The following ARFIP1 variants were observed in gnomAD, a reference collection of about 807,000 sequenced individuals.
The protein encoded by ARFIP1 is ARF interacting protein 1.
Under a neutral mutation model 42.5 loss-of-function variants are expected in ARFIP1, and 24 were observed. That is an observed-to-expected ratio of 0.57 (90% CI 0.41 to 0.80). The LOEUF is 0.80. Ranked by LOEUF, ARFIP1 falls within the 30% of genes least tolerant of loss-of-function variation. ARFIP1 has a pLI of 0.00. For synonymous variants in ARFIP1, 141 were observed against 153.7 expected, an observed-to-expected ratio of 0.92 and a Z score of 0.61; for missense variants, 354 against 434.0, an observed-to-expected ratio of 0.82 and a Z score of 1.64.
At chr4:152,857,312 T>A (rs1420281774) in intron 2 of ARFIP1, among the ~76,000 whole-genome samples, 4 of 152,260 alleles carry the variant, frequency 2.6e-5, no homozygotes, top group African/African-American at 4.8e-5. Context: ...AATGTTTTTT[T>A]AAAGCTATTT....
intron 1 of ARFIP1, among the ~76,000 whole-genome samples, chr4:152,821,318 C>T (rs1213174182): frequency 2.0e-5 from 3 of 152,050 alleles, no homozygotes; most frequent in Admixed American, 6.5e-5. Context: ...CTTCTGGAAG[C>T]GAAAGACATA....
intron 2 of ARFIP1, among the ~76,000 whole-genome samples, chr4:152,856,323 TCTGGA>T (rs1733431726): frequency 6.6e-6 from 1 of 152,046 alleles, no homozygotes; most frequent in South Asian, 2.1e-4. Context: ...ACATAACCAT[TCTGGA>T]CCTACACAGT....
intron 1 of ARFIP1, among the ~76,000 whole-genome samples, chr4:152,787,322 A>C (rs1410332532): frequency 6.6e-6 from 1 of 152,230 alleles, no homozygotes; most frequent in Non-Finnish European, 1.5e-5. Context: ...GCAAAATTCA[A>C]AACTTTTTTG....
intron 2 of ARFIP1, among the ~76,000 whole-genome samples, chr4:152,841,052 G>A (rs1411222602): frequency 6.7e-6 from 1 of 149,062 alleles, no homozygotes; most frequent in Non-Finnish European, 1.5e-5. Context: ...TTTTTTTTAA[G>A]ATGGAGTCTC....
intron 2 of ARFIP1, among the ~76,000 whole-genome samples, chr4:152,832,555 T>A (rs1277676347): frequency 1.3e-5 from 2 of 152,232 alleles, no homozygotes; most frequent in East Asian, 1.9e-4. Context: ...ATTAATGGCA[T>A]CTTTTGATGA....
At chr4:152,850,655 T>C (rs1230677705) in intron 2 of ARFIP1, 1 of 152,210 alleles carries the variant, frequency 6.6e-6, no homozygotes, top group Non-Finnish European at 1.5e-5. Flanking sequence ...TCCAACTCAG[T>C]GAGAATCACC....
At chr4:152,802,243 A>T (rs1040290695) in intron 1 of ARFIP1, among the ~76,000 whole-genome samples, 5 of 152,212 alleles carry the variant, frequency 3.3e-5, no homozygotes, top group Admixed American at 3.3e-4. Context: ...CTTGAGATGC[A>T]TAATTAGTCC....
rs56382856 is a variant in ARFIP1, at chr4:152,905,529, C to T, written c.967-4535C>T. ...CTGCTTTTTGGTTAGGTTATTCTTA[C>T]TGAATTGTAAGAATTGTTTTTTTTT... On this transcript the variant is annotated intron_variant, in intron 8 of 8. Coordinates refer to ENST00000353617, the MANE Select transcript of ARFIP1 (RefSeq NM_001025595.3). Among the ~76,000 whole-genome samples, 583 of 108,616 alleles carry T rather than the reference C, an allele frequency of 5.4e-3. 5 individuals carry two copies. Among genetic ancestry groups the T allele is most frequent in the African/African-American group, 0.019 (548 of 29,332 alleles). 71.3% of individuals were successfully genotyped at this position (108,616 alleles called of 152,430 possible). A position where few individuals can be genotyped will look rare whatever the true frequency, so the allele number is the denominator to read the frequency against.
intron 7 of ARFIP1, among the ~76,000 whole-genome samples, chr4:152,884,844 T>C (rs1736136382): frequency 6.6e-6 from 1 of 152,126 alleles, no homozygotes; most frequent in South Asian, 2.1e-4. Context: ...GTATAAGATC[T>C]CAGATTATAA....
intron 8 of ARFIP1, among the ~76,000 whole-genome samples, chr4:152,890,088 A>C (rs1159614662): frequency 6.6e-6 from 1 of 151,666 alleles, no homozygotes; most frequent in Non-Finnish European, 1.5e-5. Context: ...ATCACTACAC[A>C]ATAATACTAA....
At chr4:152,848,242 C>G (rs765503444) in intron 2 of ARFIP1, among the ~76,000 whole-genome samples, 1 of 152,206 alleles carries the variant, frequency 6.6e-6, no homozygotes, top group African/African-American at 2.4e-5. Flanking sequence ...CAAGAGCGCT[C>G]TCTTTCATTA....
intron 2 of ARFIP1, among the ~76,000 whole-genome samples, chr4:152,852,086 G>A (rs1458664315): frequency 2.0e-5 from 3 of 152,150 alleles, no homozygotes; most frequent in Non-Finnish European, 1.5e-5. Context: ...TATGCTAAAA[G>A]CTTGAATAAA....
chr4:152,816,195 A>G (rs1011305671), intron 1 of ARFIP1, among the ~76,000 whole-genome samples: 2 of 152,184 alleles, frequency 1.3e-5, no homozygotes, highest in South Asian at 2.1e-4. Flanking sequence ...AAACAACAGT[A>G]CTTTAAAAAC....
chr4:152,887,557 A>G (rs1736364731), intron 7 of ARFIP1, among the ~76,000 whole-genome samples: 2 of 152,096 alleles, frequency 1.3e-5, no homozygotes, highest in Admixed American at 1.3e-4. Context: ...TGTTACATTG[A>G]TTACATGCCA....
intron 5 of ARFIP1, among the ~76,000 whole-genome samples, chr4:152,877,488 T>A (rs1735461328): frequency 6.6e-6 from 1 of 152,208 alleles, no homozygotes; most frequent in East Asian, 1.9e-4. Flanking sequence ...AGCTTGCTTT[T>A]GATTTTTACA....
At chr4:152,841,191 A>C (rs1036894490) in intron 2 of ARFIP1, among the ~76,000 whole-genome samples, 2 of 151,938 alleles carry the variant, frequency 1.3e-5, no homozygotes, top group Non-Finnish European at 2.9e-5. Context: ...ACGTGCCACC[A>C]TGCCCAGCTA....
At chr4:152,825,474 T>C (rs578097606) in intron 1 of ARFIP1, among the ~76,000 whole-genome samples, 2 of 152,160 alleles carry the variant, frequency 1.3e-5, no homozygotes, top group African/African-American at 4.8e-5. Context: ...TAAATGGTGC[T>C]GAGGAAATTG....
chr4:152,875,682 T>G (rs1410789680), intron 5 of ARFIP1, among the ~76,000 whole-genome samples: 2 of 152,148 alleles, frequency 1.3e-5, no homozygotes, highest in African/African-American at 4.8e-5. Flanking sequence ...GCCATAAGTT[T>G]ATTCTTTTGC....
At chr4:152,810,982 T>G (rs1729407013) in intron 1 of ARFIP1, among the ~76,000 whole-genome samples, 1 of 152,198 alleles carries the variant, frequency 6.6e-6, no homozygotes, top group African/African-American at 2.4e-5. Context: ...TGCATGTCTC[T>G]TTTTCCTGCC....
Sources: gnomAD v4.1 joint callset for allele counts (sites outside exome capture counted in the v4.1 genomes callset) on GRCh38, gnomAD v4.1.1 for gene constraint, MANE v1.5 for transcripts, NCBI Gene and HGNC (gene_info 2026-07-23, HGNC 2026-07-21) for gene names.